The following ATRNL1 variants were observed in gnomAD, a reference collection of about 807,000 sequenced individuals.
ATRNL1 encodes the protein attractin like 1, also known as attractin-like protein 1.
A neutral mutation model predicts 182.7 loss-of-function variants in ATRNL1; 95 were observed. The observed-to-expected ratio is 0.52, with a 90% CI of 0.44 to 0.62. The LOEUF (loss-of-function observed/expected upper bound fraction) is 0.62. Among genes scored for constraint, ATRNL1 ranks in the 20% least tolerant of loss-of-function variants. The pLI, the probability that ATRNL1 is intolerant of heterozygous loss-of-function variation, is 0.00. For missense variants in ATRNL1, 1,471 were observed against 1,679.5 expected, an observed-to-expected ratio of 0.88 and a Z score of 2.17; for synonymous variants, 576 against 568.3, an observed-to-expected ratio of 1.01 and a Z score of -0.19.
intron 27 of ATRNL1, among the ~76,000 whole-genome samples, chr10:115,787,326 G>A (rs1284728307): frequency 6.6e-6 from 1 of 152,004 alleles, no homozygotes; most frequent in African/African-American, 2.4e-5. Flanking sequence ...ATATAGCCAG[G>A]CTTTACCCAT....
chr10:115,165,987 G>T (rs949535453), intron 7 of ATRNL1, among the ~76,000 whole-genome samples: 3 of 152,052 alleles, frequency 2.0e-5, no homozygotes, highest in Non-Finnish European at 4.4e-5. Context: ...CATTGACATT[G>T]CTGTGTAACC....
intron 27 of ATRNL1, among the ~76,000 whole-genome samples, chr10:115,739,790 A>G (rs1948084428): frequency 6.6e-6 from 1 of 152,120 alleles, no homozygotes; most frequent in African/African-American, 2.4e-5. Context: ...GTTATTTCCT[A>G]GTTTTTGTTT....
At chr10:115,368,865 C>G (rs992212587) in intron 19 of ATRNL1, among the ~76,000 whole-genome samples, 17 of 152,000 alleles carry the variant, frequency 1.1e-4, no homozygotes, top group Non-Finnish European at 1.9e-4. Context: ...AGGTGCCCAC[C>G]ACCACGCCTG....
intron 28 of ATRNL1, among the ~76,000 whole-genome samples, chr10:115,851,382 T>C (rs2907548): frequency 0.17 from 25,327 of 152,004 alleles, 2,294 homozygotes; most frequent in Non-Finnish European, 0.2. Flanking sequence ...ATTTAAAAAA[T>C]AGCATTATCT....
At chr10:115,335,658 G>T (rs1452866319) in intron 19 of ATRNL1, among the ~76,000 whole-genome samples, 4 of 152,152 alleles carry the variant, frequency 2.6e-5, no homozygotes, top group Non-Finnish European at 5.9e-5. Flanking sequence ...ATCTGCAGAT[G>T]GTGAAGTCCC....
rs1179341406 is a variant in ATRNL1, at chr10:115,323,422, C to G, written c.3037+7686C>G. Among the ~76,000 whole-genome samples, 437 of 120,506 alleles carry G rather than the reference C, an allele frequency of 3.6e-3. 7 individuals are homozygous for G. The highest frequency in any genetic ancestry group is 0.012 in the African/African-American group (388 of 32,500). The allele number at this position is 120,506 out of a possible 152,430, so 79.1% of individuals were successfully genotyped here. Reference sequence around the variant, plus strand: ...ATTTCTCCCTCCCCTCCCCTCCCCTCCCCTCCCCTCCCCTCCCCTTCCCTT... The same window carrying G: ...ATTTCTCCCTCCCCTCCCCTCCCCTGCCCTCCCCTCCCCTCCCCTTCCCTT... On this transcript the variant is annotated intron_variant, in intron 18 of 28. Transcript: ENST00000355044.
rs185218746 is a variant in ATRNL1, at chr10:115,761,130, G to A, written c.3903+33775G>A. Among the ~76,000 whole-genome samples, 20 of 151,944 alleles carry A rather than the reference G, an allele frequency of 1.3e-4. No individual in the cohort carries two copies. In the East Asian group the frequency reaches 2.1e-3, roughly 16 times the overall value. Reference sequence around the variant, plus strand: ...CTCTTTTTTAAAAAAATCAAATCATGTAATCAAAAGAAAGCTGAAAATAAT... The same window carrying A: ...CTCTTTTTTAAAAAAATCAAATCATATAATCAAAAGAAAGCTGAAAATAAT... On this transcript the variant is annotated intron_variant, in intron 27 of 28. Coordinates refer to ENST00000355044, the MANE Select transcript of ATRNL1 (RefSeq NM_207303.4).
chr10:115,434,351 A>C (rs974265203), intron 21 of ATRNL1, among the ~76,000 whole-genome samples: 1 of 152,162 alleles, frequency 6.6e-6, no homozygotes, highest in Non-Finnish European at 1.5e-5. Flanking sequence ...TTTTATATGT[A>C]TTAGCTTATG....
intron 26 of ATRNL1, among the ~76,000 whole-genome samples, chr10:115,646,991 C>T (rs1859668849): frequency 7.6e-6 from 1 of 131,356 alleles, no homozygotes; most frequent in Admixed American, 8.7e-5. Flanking sequence ...GTGATGTTCC[C>T]CACCCTGTGT....
chr10:115,457,272 G>C (rs1847572205), intron 21 of ATRNL1, among the ~76,000 whole-genome samples: 1 of 152,132 alleles, frequency 6.6e-6, no homozygotes, highest in South Asian at 2.1e-4. Context: ...ATGGGGGCAG[G>C]CTGGTACTTG....
At chr10:115,494,209 G>A (rs1315803524) in intron 24 of ATRNL1, among the ~76,000 whole-genome samples, 1 of 152,008 alleles carries the variant, frequency 6.6e-6, no homozygotes, top group Non-Finnish European at 1.5e-5. Flanking sequence ...TGCTGATGTT[G>A]TTTATCAGAT....
rs1198746322 is a variant in ATRNL1 at position 115,389,536 on chromosome 10, ATGTG to A, written c.3176-5121_3176-5118del. Among the ~76,000 whole-genome samples, 65 of 69,066 alleles carry A rather than the reference ATGTG, an allele frequency of 9.4e-4. 2 individuals are homozygous for A. The highest frequency in any genetic ancestry group is 5.2e-3 in the African/African-American group (61 of 11,732). 45.3% of individuals were successfully genotyped at this position (69,066 alleles called of 152,430 possible). A position where few individuals can be genotyped will look rare whatever the true frequency, so the allele number is the denominator to read the frequency against. ...AAAGCTGAATAGTATTCAAATGTGT[ATGTG>A]TATATATATATATATATATATATAT... On this transcript the variant is annotated intron_variant, in intron 19 of 28. Coordinates refer to ENST00000355044, the MANE Select transcript of ATRNL1 (RefSeq NM_207303.4).
At chr10:115,560,583 C>T (rs1231734186) in intron 26 of ATRNL1, among the ~76,000 whole-genome samples, 1 of 152,148 alleles carries the variant, frequency 6.6e-6, no homozygotes, top group Non-Finnish European at 1.5e-5. Flanking sequence ...GTTAAGATGA[C>T]AGTACTCCCA....
intron 26 of ATRNL1, among the ~76,000 whole-genome samples, chr10:115,696,890 AGAGAGAGAGC>A (rs1291418171): frequency 3.3e-5 from 5 of 150,980 alleles, no homozygotes; most frequent in African/African-American, 9.8e-5. Context: ...AGAGAGAGAG[AGAGAGAGAGC>A]GAGCGAGCTA....
chr10:115,430,911 C>T lies in ATRNL1; in HGVS notation c.3322+4609C>T, dbSNP rs142125598. On this transcript the variant is annotated intron_variant, in intron 21 of 28. Transcript: ENST00000355044. ...TCCCCAGAACAAAAAATCATGTGGC[C>T]AAAAATATCAATAGTATTTAGGTTG... 3.2e-4 allele frequency among the ~76,000 whole-genome samples: 49 copies of T among 151,932 alleles called. No individual in the cohort carries two copies. The East Asian group carries it at 9.5e-3, about 30-fold the overall frequency.
intron 28 of ATRNL1, among the ~76,000 whole-genome samples, chr10:115,920,751 T>A (rs1043869558): frequency 6.6e-6 from 1 of 152,210 alleles, no homozygotes; most frequent in Non-Finnish European, 1.5e-5. Flanking sequence ...GAACCATTAA[T>A]GAAAGCAGGA....
chr10:115,161,350 G>T lies in ATRNL1; in HGVS notation c.1004+1136G>T, dbSNP rs142718462. Reference sequence around the variant, plus strand: ...TTTTTAACATGAAGAATAAAATACAGAAGGAAGAATTGAAAGAGAGTTGGT... The same window carrying T: ...TTTTTAACATGAAGAATAAAATACATAAGGAAGAATTGAAAGAGAGTTGGT... On this transcript the variant is annotated intron_variant, in intron 6 of 28. Transcript: ENST00000355044. 6.1e-3 allele frequency among the ~76,000 whole-genome samples: 932 copies of T among 152,086 alleles called. 1 individual carries two copies. Among genetic ancestry groups the T allele is most frequent in the Non-Finnish European group, 0.011 (719 of 67,862 alleles).
At chr10:115,802,051 A>ACACACACACACACACAAC (rs1412039169) in intron 27 of ATRNL1, among the ~76,000 whole-genome samples, 9 of 11,240 alleles carry the variant, frequency 8.0e-4, no homozygotes, top group South Asian at 8.0e-3. Context: ...CACACAAAAC[A>ACACACACACACACACAAC]AAAAAAAACA....
chr10:115,425,721 T>C (rs1845853876), intron 20 of ATRNL1, among the ~76,000 whole-genome samples: 2 of 152,106 alleles, frequency 1.3e-5, no homozygotes, highest in Non-Finnish European at 2.9e-5. Context: ...GAAACCTTTT[T>C]TTCCAATTAT....
Sources: gnomAD v4.1 joint callset for allele counts (sites outside exome capture counted in the v4.1 genomes callset) on GRCh38, gnomAD v4.1.1 for gene constraint, MANE v1.5 for transcripts, NCBI Gene and HGNC (gene_info 2026-07-23, HGNC 2026-07-21) for gene names.